TACC2: variants seen among roughly 807,000 people sequenced by gnomAD.
TACC2 encodes transforming acidic coiled-coil containing protein 2, also known as transforming acidic coiled-coil-containing protein 2.
In TACC2, 137 loss-of-function variants were observed where a neutral mutation model predicts 227.3. The observed-to-expected ratio is 0.60, with a 90% CI of 0.52 to 0.69. TACC2 has a LOEUF of 0.69. Ranked by LOEUF, TACC2 falls within the 30% of genes least tolerant of loss-of-function variation. TACC2 has a pLI of 0.00. For synonymous variants in TACC2, 1,523 were observed against 1,487.5 expected (o/e 1.02, Z -0.55); for missense variants, 3,470 against 3,694.4 (o/e 0.94, Z 1.57).
At chr10:122,047,288 C>CAAAA (rs371181114) in intron 2 of TACC2, among the ~76,000 whole-genome samples, 42 of 60,872 alleles carry the variant, frequency 6.9e-4, no homozygotes, top group Non-Finnish European at 9.4e-4. Flanking sequence ...GACTCCGTCT[C>CAAAA]AAAAAAAAAA....
chr10:122,003,663 T>C (rs1954693046), intron 1 of TACC2, among the ~76,000 whole-genome samples: 1 of 151,970 alleles, frequency 6.6e-6, no homozygotes, highest in Non-Finnish European at 1.5e-5. Flanking sequence ...CCTTTTTTTT[T>C]TTTCTTTTCT....
intron 1 of TACC2, among the ~76,000 whole-genome samples, chr10:122,021,236 A>G (rs1957302625): frequency 1.3e-5 from 2 of 149,006 alleles, no homozygotes; most frequent in South Asian, 2.2e-4. Context: ...CTCGAAAAAA[A>G]AAAGGCGGGG....
intron 7 of TACC2, among the ~76,000 whole-genome samples, chr10:122,175,167 C>T (rs531653271): frequency 9.5e-4 from 145 of 152,254 alleles, no homozygotes; most frequent in African/African-American, 3.3e-3. Flanking sequence ...GTTGCCCAGG[C>T]TGGTCTCTAA....
At chr10:122,004,209 C>T (rs915229034) in intron 1 of TACC2, among the ~76,000 whole-genome samples, 3 of 151,844 alleles carry the variant, frequency 2.0e-5, no homozygotes, top group Admixed American at 6.6e-5. Flanking sequence ...ATCAGCCTGA[C>T]CAATATGGTG....
chr10:122,047,801 T>C (rs541430944), intron 2 of TACC2, among the ~76,000 whole-genome samples: 2 of 152,358 alleles, frequency 1.3e-5, no homozygotes. Context: ...TAGTAAGTGC[T>C]CAATAACAGG....
intron 19 of TACC2, among the ~76,000 whole-genome samples, chr10:122,242,662 T>A (rs1306376828): frequency 2.0e-5 from 3 of 152,246 alleles, no homozygotes; most frequent in East Asian, 1.9e-4. Flanking sequence ...TCTTTTTTTT[T>A]AAATAATGAG....
At position 122,109,132 on chromosome 10, in the gene TACC2, T is replaced by TG. The variant is rs2083292579; in HGVS notation, c.5573+20541_5573+20542insG. On this transcript the variant is annotated intron_variant, in intron 5 of 22. Transcript: ENST00000369005. Reference sequence around the variant, plus strand: ...TGCTGTAAACATGCATGTACAAGTATCTTTTTTCATGTAATGACTTCTTTT... The same window carrying TG: ...TGCTGTAAACATGCATGTACAAGTATGCTTTTTTCATGTAATGACTTCTTTT... Among the ~76,000 whole-genome samples, 7 of 139,512 alleles carry TG rather than the reference T, an allele frequency of 5.0e-5. No individual in the cohort carries two copies. In the South Asian group the frequency reaches 1.1e-3, roughly 22 times the overall value. 91.5% of individuals were successfully genotyped at this position (139,512 alleles called of 152,430 possible).
chr10:122,045,591 A>G (rs1295886259), intron 2 of TACC2, among the ~76,000 whole-genome samples: 1 of 152,240 alleles, frequency 6.6e-6, no homozygotes, highest in Admixed American at 6.5e-5. Context: ...AAAGAGAGCT[A>G]TGTAAATGCT....
At chr10:122,125,951 G>T (rs2086765471) in intron 5 of TACC2, among the ~76,000 whole-genome samples, 1 of 151,756 alleles carries the variant, frequency 6.6e-6, no homozygotes, top group African/African-American at 2.4e-5. Flanking sequence ...TAATTTTTTT[G>T]TATTTTTAGT....
chr10:122,092,488 T>C (rs1481318713), intron 5 of TACC2, among the ~76,000 whole-genome samples: 1 of 152,232 alleles, frequency 6.6e-6, no homozygotes, highest in African/African-American at 2.4e-5. Flanking sequence ...CCAATTTGAA[T>C]AGGGCTGATA....
At chr10:122,228,431 T>C (rs987718647) in intron 14 of TACC2, among the ~76,000 whole-genome samples, 6 of 152,042 alleles carry the variant, frequency 3.9e-5, no homozygotes, top group African/African-American at 1.4e-4. Flanking sequence ...GGACTTTTCC[T>C]CTCCCCAAGC....
intron 11 of TACC2, among the ~76,000 whole-genome samples, chr10:122,223,053 CTTTTTTTTTTTT>C (rs35098612): frequency 6.4e-5 from 6 of 94,024 alleles, no homozygotes; most frequent in Non-Finnish European, 1.0e-4. Flanking sequence ...CTCTCTCTCT[CTTTTTTTTTTTT>C]TTTTTTTTGA....
At position 122,083,867 on chromosome 10, in the gene TACC2, C is replaced by G. The variant is rs146444857; in HGVS notation, c.1367C>G (p.Ala456Gly). Residue 456 changes from alanine (A) to glycine (G), a missense_variant, in exon 4 of 23, where the codon GCA becomes GGA. Physicochemically the swap from Ala to Gly is moderately conservative, Grantham distance 60. Coordinates refer to ENST00000369005, the MANE Select transcript of TACC2 (RefSeq NM_206862.4). ...GCTGGGATGCCAGTTTCTGCAGATG[C>G]AGCCAAAGAGGTGGTGGATGCAGGG... Reference protein sequence around the residue: ...SKAGMPVSADAAKEVVDAGLV... With the variant: ...SKAGMPVSADGAKEVVDAGLV... The G allele has an allele frequency of 3.1e-6, 5 of 1,614,040 alleles. No homozygotes were observed. The African/African-American group carries it at 6.7e-5, about 22-fold the overall frequency.
intron 8 of TACC2, among the ~76,000 whole-genome samples, chr10:122,196,793 G>A (rs2094579298): frequency 6.6e-6 from 1 of 151,950 alleles, no homozygotes. Context: ...AAAATTAGCT[G>A]GGCGTGGTGG....
intron 7 of TACC2, among the ~76,000 whole-genome samples, chr10:122,147,209 A>G (rs1023221346): frequency 1.3e-5 from 2 of 151,690 alleles, no homozygotes; most frequent in East Asian, 1.9e-4. Context: ...CAGTGGTGCC[A>G]TCTCCACTCA....
chr10:122,211,304 A>G lies in TACC2; in HGVS notation c.6879A>G (p.Pro2293=). The change falls in exon 9 of 23, where the codon CCA becomes CCG. Residue 2293 remains proline (P), a synonymous_variant. Transcript: ENST00000369005. ...CTACCAAAAAGATAGGCAAAAAGCC[A>G]GTTGCCAAAATGCCCCTGAGGAGGC... The part of the protein sequence containing the change: ...PPPTKKIGKK[P]VAKMPLRRPK... 1 of 1,614,144 alleles carries G rather than the reference A, an allele frequency of 6.2e-7. No homozygotes were observed. Among genetic ancestry groups the G allele is most frequent in the Non-Finnish European group, 8.5e-7 (1 of 1,180,024 alleles).
At chr10:122,070,694 A>G (rs2077941212) in intron 3 of TACC2, among the ~76,000 whole-genome samples, 1 of 148,798 alleles carries the variant, frequency 6.7e-6, no homozygotes, top group South Asian at 2.1e-4. Context: ...TAGAGGTTGC[A>G]GTGAGCTGAG....
At chr10:122,243,207 G>A (rs1401589317) in intron 19 of TACC2, among the ~76,000 whole-genome samples, 1 of 152,202 alleles carries the variant, frequency 6.6e-6, no homozygotes, top group Non-Finnish European at 1.5e-5. Flanking sequence ...GCCTCCCAAG[G>A]TGCTGGGATT....
chr10:122,148,921 G>A (rs551607161), intron 7 of TACC2, among the ~76,000 whole-genome samples: 33 of 152,320 alleles, frequency 2.2e-4, no homozygotes, highest in African/African-American at 7.9e-4. Flanking sequence ...CTGCCTGGGA[G>A]GGAGACCATT....
Sources: gnomAD v4.1 joint callset for allele counts (sites outside exome capture counted in the v4.1 genomes callset) on GRCh38, gnomAD v4.1.1 for gene constraint, MANE v1.5 for transcripts, NCBI Gene and HGNC (gene_info 2026-07-23, HGNC 2026-07-21) for gene names.